Variants in WIF1 observed in about 807,000 individuals in gnomAD.
WIF1 encodes Wnt inhibitory factor 1.
WIF1 carries 35 observed loss-of-function variants against 53.5 expected under a neutral mutation model. The observed-to-expected ratio is 0.65, with a 90% CI of 0.50 to 0.87. The LOEUF (loss-of-function observed/expected upper bound fraction) is 0.87, where lower values mean the gene tolerates loss of function less well. Ranked by LOEUF, WIF1 falls within the 40% of genes least tolerant of loss-of-function variation. WIF1 has a pLI of 0.00. For missense variants in WIF1, 467 were observed against 476.8 expected (o/e 0.98, Z 0.19); for synonymous variants, 171 against 170.4 (o/e 1.00, Z -0.03).
intron 2 of WIF1, among the ~76,000 whole-genome samples, chr12:65,104,926 C>T (rs957164079): frequency 1.1e-4 from 16 of 152,066 alleles, no homozygotes; most frequent in Non-Finnish European, 4.4e-5. Context: ...TTAAGAAATG[C>T]AAAGCTGAAT....
intron 4 of WIF1, among the ~76,000 whole-genome samples, chr12:65,068,360 C>G (rs1882719525): frequency 6.6e-6 from 1 of 151,982 alleles, no homozygotes; most frequent in Non-Finnish European, 1.5e-5. Flanking sequence ...ATTAGTGTTG[C>G]CTTTGGGACA....
intron 2 of WIF1, among the ~76,000 whole-genome samples, chr12:65,086,829 C>T (rs1397687963): frequency 6.6e-6 from 1 of 151,720 alleles, no homozygotes; most frequent in East Asian, 1.9e-4. Flanking sequence ...AGAGCTATTC[C>T]TTTACTAATA....
chr12:65,095,330 A>G (rs1253713945), intron 2 of WIF1, among the ~76,000 whole-genome samples: 1 of 152,176 alleles, frequency 6.6e-6, no homozygotes, highest in Non-Finnish European at 1.5e-5. Context: ...AGTTCAAAAT[A>G]GCACTCTCAA....
At chr12:65,056,160 C>A (rs374132736) in intron 7 of WIF1, 34 bp from the exon 8 acceptor site, 144 of 1,588,490 alleles carry the variant, frequency 9.1e-5, no homozygotes, top group African/African-American at 1.7e-4. Flanking sequence ...AAACAAGGAA[C>A]CTGGTGCTTC....
intron 3 of WIF1, 64 bp downstream of exon 3, chr12:65,077,682 C>G: frequency 8.2e-7 from 1 of 1,213,564 alleles, no homozygotes; most frequent in South Asian, 1.3e-5. Context: ...ACATTTGCAT[C>G]TTAAATATTC....
intron 2 of WIF1, among the ~76,000 whole-genome samples, chr12:65,102,296 G>A (rs1883293695): frequency 6.6e-6 from 1 of 152,134 alleles, no homozygotes; most frequent in Non-Finnish European, 1.5e-5. Context: ...TGATTATGGA[G>A]GCTGACAAGT....
chr12:65,117,990 G>A (rs1883538382), intron 2 of WIF1, among the ~76,000 whole-genome samples: 1 of 152,192 alleles, frequency 6.6e-6, no homozygotes, highest in Non-Finnish European at 1.5e-5. Flanking sequence ...GTGGCCCAGA[G>A]GTTGGGGATC....
At chr12:65,076,691 G>A (rs1200358119) in intron 3 of WIF1, among the ~76,000 whole-genome samples, 6 of 152,066 alleles carry the variant, frequency 3.9e-5, no homozygotes, top group Admixed American at 1.3e-4. Context: ...GGGCTCCTAT[G>A]TGCATGGAAG....
intron 2 of WIF1, among the ~76,000 whole-genome samples, chr12:65,112,404 TCACA>T (rs758383148): frequency 0.021 from 2,579 of 123,490 alleles, 67 homozygotes; most frequent in African/African-American, 0.06. Flanking sequence ...CCTGCTCTAA[TCACA>T]CACACACACA....
At chr12:65,060,271 T>C (rs6581601) in intron 7 of WIF1, among the ~76,000 whole-genome samples, 83,498 of 152,102 alleles carry the variant, frequency 0.55, 24,850 homozygotes, top group East Asian at 0.73. Context: ...TTATTCGTAA[T>C]AGCCCCAAAG....
intron 6 of WIF1, among the ~76,000 whole-genome samples, chr12:65,064,186 A>T (rs1017177848): frequency 1.2e-4 from 19 of 152,370 alleles, no homozygotes; most frequent in Admixed American, 5.2e-4. Context: ...GCACTGCCCA[A>T]TTACTGATGT....
At chr12:65,107,795 A>G (rs558313097) in intron 2 of WIF1, among the ~76,000 whole-genome samples, 81 of 152,200 alleles carry the variant, frequency 5.3e-4, no homozygotes, top group Non-Finnish European at 9.4e-4. Flanking sequence ...CAGCTCCCAC[A>G]AACAAGTTTC....
At chr12:65,065,500 T>C (rs1427811421) in intron 6 of WIF1, among the ~76,000 whole-genome samples, 3 of 152,168 alleles carry the variant, frequency 2.0e-5, no homozygotes, top group Admixed American at 6.6e-5. Context: ...AAGTACTTTG[T>C]ACATCATAAA....
chr12:65,076,196 C>A (rs1240821474), intron 3 of WIF1, among the ~76,000 whole-genome samples: 1 of 152,040 alleles, frequency 6.6e-6, no homozygotes, highest in African/African-American at 2.4e-5. Context: ...TGCCATCACA[C>A]CTGGCTAATT....
intron 2 of WIF1, among the ~76,000 whole-genome samples, chr12:65,098,067 T>C (rs914236881): frequency 2.6e-5 from 4 of 152,166 alleles, no homozygotes; most frequent in African/African-American, 9.7e-5. Context: ...TTAGTACATG[T>C]TGTGCTAGCA....
chr12:65,050,976 C>T lies in WIF1; in HGVS notation c.*373G>A, dbSNP rs1592384395. On this transcript the variant is annotated 3_prime_UTR_variant, in exon 10 of 10. Transcript: ENST00000286574. Reference sequence around the variant, plus strand: ...GTAACTTCAACATTAACTGCACCATCCAAATTCTTGTGACTTACGCATTTT... The same window carrying T: ...GTAACTTCAACATTAACTGCACCATTCAAATTCTTGTGACTTACGCATTTT... 3.4e-5 allele frequency: 8 copies of T among 237,412 alleles called. No homozygotes were observed. The East Asian group carries it at 4.8e-4, about 14-fold the overall frequency. The allele number at this position is 237,412 out of a possible 1,614,324, so 14.7% of individuals were successfully genotyped here. A position where few individuals can be genotyped will look rare whatever the true frequency, so the allele number is the denominator to read the frequency against.
intron 4 of WIF1, among the ~76,000 whole-genome samples, chr12:65,068,400 C>G (rs747518526): frequency 3.9e-5 from 6 of 152,034 alleles, no homozygotes; most frequent in Non-Finnish European, 5.9e-5. Context: ...TATGAGCCAC[C>G]TTGCCTTGAG....
At chr12:65,105,641 G>A (rs920754728) in intron 2 of WIF1, among the ~76,000 whole-genome samples, 2 of 152,086 alleles carry the variant, frequency 1.3e-5, no homozygotes, top group African/African-American at 4.8e-5. Context: ...AGCTGAGAAG[G>A]CTTGACCCAC....
intron 6 of WIF1, among the ~76,000 whole-genome samples, chr12:65,066,403 G>C (rs904086288): frequency 1.5e-4 from 23 of 152,112 alleles, no homozygotes; most frequent in African/African-American, 4.1e-4. Flanking sequence ...TCACTGCATG[G>C]AGAAGAGCTG....
Sources: allele counts gnomAD v4.1 joint callset (sites outside exome capture counted in the v4.1 genomes callset), GRCh38; gene constraint gnomAD v4.1.1; transcripts MANE v1.5; gene names NCBI Gene and HGNC (gene_info 2026-07-23, HGNC 2026-07-21).